CCDC138: variants seen among roughly 807,000 people sequenced by gnomAD.
The protein encoded by CCDC138 is coiled-coil domain-containing protein 138.
Under a neutral mutation model 82.3 loss-of-function variants are expected in CCDC138, and 66 were observed. That is an observed-to-expected ratio of 0.80 (90% CI 0.66 to 0.98). The LOEUF is 0.98. CCDC138 is among the 50% of genes least tolerant of loss of function. The probability of loss-of-function intolerance (pLI) is 0.00; values close to 1 mark genes in which losing one functional copy is unlikely to be tolerated. For synonymous variants in CCDC138, 297 were observed against 265.4 expected (o/e 1.12, Z -1.16); for missense variants, 816 against 758.9 (o/e 1.08, Z -0.88).
intron 5 of CCDC138, among the ~76,000 whole-genome samples, chr2:108,797,988 T>G (rs1681188076): frequency 6.7e-6 from 1 of 149,456 alleles, no homozygotes. Context: ...TCTCCAGTGG[T>G]ACTTAGCTGA....
chr2:108,874,920 G>A (rs1471704188), intron 14 of CCDC138, among the ~76,000 whole-genome samples: 1 of 75,798 alleles, frequency 1.3e-5, no homozygotes, highest in Non-Finnish European at 3.5e-5. Flanking sequence ...TTAATTCATG[G>A]GATTTTTTTT....
Position 108,788,874 on chromosome 2 carries a change from A to G in CCDC138, c.174A>G (p.Gly58=). ...CAGGTGATTTGGATATCTACTCTGG[A>G]GATAAAGTTGGTTCATCGTTAAAAT... ...TSPGDLDIYS[G]DKVGSSLKYS... is the part of the protein sequence containing the mutation. The change falls in exon 3 of 15, where the codon GGA becomes GGG. Residue 58 remains glycine, a synonymous_variant. Transcript: ENST00000295124. 1 of 1,614,038 alleles carries G rather than the reference A, an allele frequency of 6.2e-7. No homozygotes were observed. The highest frequency in any genetic ancestry group is 1.1e-5 in the South Asian group (1 of 91,074).
At chr2:108,852,130 A>G (rs1371603919) in intron 12 of CCDC138, among the ~76,000 whole-genome samples, 1 of 152,204 alleles carries the variant, frequency 6.6e-6, no homozygotes, top group African/African-American at 2.4e-5. Flanking sequence ...AATCCTCACA[A>G]CAGTTCATGA....
chr2:108,881,051 G>T (rs1403799523), downstream of CCDC138, among the ~76,000 whole-genome samples: 1 of 152,202 alleles, frequency 6.6e-6, no homozygotes, highest in Non-Finnish European at 1.5e-5. Context: ...AGTAACTGCC[G>T]ATGTGGTGGG....
Position 108,856,973 on chromosome 2 carries a change from A to G in CCDC138, c.1693+3A>G, listed in dbSNP as rs771456979. The G allele has an allele frequency of 6.3e-5, 96 of 1,523,418 alleles. No homozygotes were observed. Among genetic ancestry groups the G allele is most frequent in the Non-Finnish European group, 8.4e-5 (94 of 1,119,532 alleles). The allele number at this position is 1,523,418 out of a possible 1,614,324, so 94.4% of individuals were successfully genotyped here. A position where few individuals can be genotyped will look rare whatever the true frequency, so the allele number is the denominator to read the frequency against. ...GCTCCAGATGACGGTGGAATCTAGT[A>G]AGTTTTTAAGTTCTATATGTGTAAA... On this transcript the variant is annotated splice_donor_region_variant and intron_variant, in intron 13 of 14. Coordinates refer to ENST00000295124, the MANE Select transcript of CCDC138 (RefSeq NM_144978.3).
chr2:108,788,739 A>T (rs536680123), intron 2 of CCDC138, 113 bp from the exon 3 acceptor site: 1 of 1,436,890 alleles, frequency 7.0e-7, no homozygotes. Context: ...AAAAGAAAAA[A>T]AAATTTGAGA....
rs975597 is a variant in CCDC138, at chr2:108,812,690, T to A, written c.915T>A (p.Ala305=). The change falls in exon 8 of 15, where the codon GCT becomes GCA. Residue 305 remains alanine, a synonymous_variant. Coordinates refer to ENST00000295124, the MANE Select transcript of CCDC138 (RefSeq NM_144978.3). ...ACATTCAGGCTAAAAGAGTTCAAGC[T>A]CGTTTAGATAATTTACAGGTAAGTT... ...KIDIQAKRVQ[A]RLDNLQRKYE... 0.73 allele frequency: 1,179,654 copies of A among 1,608,854 alleles called. 442,052 individuals are homozygous for A. The highest frequency in any genetic ancestry group is 0.86 in the East Asian group (38,446 of 44,788).
At position 108,812,714 on chromosome 2, in the gene CCDC138, T is replaced by C. The variant is rs1684080014; in HGVS notation, c.933+6T>C. The C allele has an allele frequency of 6.2e-7, 1 of 1,606,400 alleles. No homozygotes were observed. Among genetic ancestry groups the C allele is most frequent in the African/African-American group, 1.3e-5 (1 of 74,904 alleles). ...CTCGTTTAGATAATTTACAGGTAAG[T>C]TGCCTGTTCTTCTCTACAGACAGAA... On this transcript the variant is annotated splice_donor_region_variant and intron_variant, in intron 8 of 14. Coordinates refer to ENST00000295124, the MANE Select transcript of CCDC138 (RefSeq NM_144978.3).
chr2:108,819,370 A>G (rs1240495147), intron 10 of CCDC138, among the ~76,000 whole-genome samples: 1 of 152,176 alleles, frequency 6.6e-6, no homozygotes, highest in African/African-American at 2.4e-5. Flanking sequence ...CTGCATGTTC[A>G]ATATTTTGGC....
intron 11 of CCDC138, among the ~76,000 whole-genome samples, chr2:108,846,171 G>A (rs1177754832): frequency 6.6e-6 from 1 of 152,134 alleles, no homozygotes; most frequent in East Asian, 1.9e-4. Flanking sequence ...ATCAGCAACT[G>A]AGAGAGTAGG....
At chr2:108,843,252 G>T (rs1050376336) in intron 11 of CCDC138, among the ~76,000 whole-genome samples, 8 of 152,066 alleles carry the variant, frequency 5.3e-5, no homozygotes, top group Non-Finnish European at 1.0e-4. Context: ...CCGTCTGCTG[G>T]GTTCAAACCA....
At chr2:108,856,665 T>C in intron 12 of CCDC138, 129 bp from the exon 13 acceptor site, 1 of 792,570 alleles carries the variant, frequency 1.3e-6, no homozygotes, top group Non-Finnish European at 2.0e-6. Context: ...ATTTAGACTG[T>C]GATCTCTTAT....
At position 108,873,435 on chromosome 2, in the gene CCDC138, T is replaced by C; in HGVS notation, c.1694-16T>C. The C allele has an allele frequency of 5.7e-6, 9 of 1,572,834 alleles. No homozygotes were observed. The highest frequency in any genetic ancestry group is 7.7e-6 in the Non-Finnish European group (9 of 1,164,048). On this transcript the variant is annotated splice_polypyrimidine_tract_variant and intron_variant, in intron 13 of 14. Transcript: ENST00000295124. ...GCTACTCCCTAATAGTAAAGCACTG[T>C]TGATTTGTTTTGCAGAATCCTTGCA...
At chr2:108,837,646 C>T in intron 10 of CCDC138, among the ~76,000 whole-genome samples, 1 of 152,152 alleles carries the variant, frequency 6.6e-6, no homozygotes, top group East Asian at 1.9e-4. Context: ...CCTGTGCTGC[C>T]AGTTACATAA....
chr2:108,806,999 G>A (rs1682987243), intron 7 of CCDC138, among the ~76,000 whole-genome samples: 1 of 152,164 alleles, frequency 6.6e-6, no homozygotes, highest in Non-Finnish European at 1.5e-5. Flanking sequence ...CCTTGATTAA[G>A]TGCAGTTCCT....
chr2:108,844,877 A>G (rs1290988902), intron 11 of CCDC138, among the ~76,000 whole-genome samples: 1 of 151,550 alleles, frequency 6.6e-6, no homozygotes, highest in African/African-American at 2.4e-5. Context: ...CCTCCTGAAT[A>G]GCTGAGATTA....
chr2:108,846,741 T>C lies in CCDC138; in HGVS notation c.1327T>C (p.Ser443Pro). The C allele has an allele frequency of 6.2e-7, 1 of 1,604,770 alleles. No individual in the cohort carries two copies. Among genetic ancestry groups the C allele is most frequent in the Non-Finnish European group, 8.5e-7 (1 of 1,176,616 alleles). The change falls in exon 12 of 15, where the codon TCG becomes CCG. Residue 443 changes from serine (S) to proline (P), a missense_variant. Physicochemically the swap from Ser to Pro is moderately conservative, Grantham distance 74 (BLOSUM62 -1). Coordinates refer to ENST00000295124, the MANE Select transcript of CCDC138 (RefSeq NM_144978.3). ...AGATTGTACATATTTTTAACAGCAC[T>C]CGACTATGACATCAACATTGAGGAG... Reference protein sequence around the residue: ...LRQLDAGAQHSTMTSTLRRLG... With the variant: ...LRQLDAGAQHPTMTSTLRRLG...
At chr2:108,821,945 A>AG (rs1685778139) in intron 10 of CCDC138, among the ~76,000 whole-genome samples, 1 of 151,398 alleles carries the variant, frequency 6.6e-6, no homozygotes, top group African/African-American at 2.4e-5. Context: ...AAAAAAAAAA[A>AG]GTATGTCCTT....
intron 11 of CCDC138, among the ~76,000 whole-genome samples, chr2:108,842,849 A>T (rs1423043426): frequency 6.6e-6 from 1 of 152,226 alleles, no homozygotes; most frequent in Non-Finnish European, 1.5e-5. Context: ...CTACAACATT[A>T]TGTAGAACTT....
Sources: gnomAD v4.1 joint callset for allele counts (sites outside exome capture counted in the v4.1 genomes callset) on GRCh38, gnomAD v4.1.1 for gene constraint, MANE v1.5 for transcripts, NCBI Gene and HGNC (gene_info 2026-07-23, HGNC 2026-07-21) for gene names.